SEPTIN8: variants seen among roughly 807,000 people sequenced by gnomAD.
The protein encoded by SEPTIN8 is septin-8.
A neutral mutation model predicts 53.1 loss-of-function variants in SEPTIN8; 22 were observed. The observed-to-expected ratio is 0.41, with a 90% CI of 0.30 to 0.59. The LOEUF (loss-of-function observed/expected upper bound fraction) is 0.59. Ranked by LOEUF, SEPTIN8 falls within the 20% of genes least tolerant of loss-of-function variation. The probability of loss-of-function intolerance (pLI) is 0.24; values close to 1 mark genes in which losing one functional copy is unlikely to be tolerated. For synonymous variants in SEPTIN8, 228 were observed against 248.4 expected, an observed-to-expected ratio of 0.92 and a Z score of 0.77; for missense variants, 536 against 638.7, an observed-to-expected ratio of 0.84 and a Z score of 1.73.
intron 9 of SEPTIN8, chr5:132,759,006 A>G (rs1449470832): frequency 8.1e-6 from 6 of 740,976 alleles, no homozygotes; most frequent in Non-Finnish European, 1.5e-5. Flanking sequence ...AAGGGTCAAG[A>G]TCTGATTGGG....
chr5:132,753,271 T>G, intron 9 of SEPTIN8: 1 of 344,438 alleles, frequency 2.9e-6, no homozygotes. Context: ...TTGTTTTACC[T>G]TCCTTCTCCA....
At chr5:132,771,707 C>T (rs1169799438) in intron 1 of SEPTIN8, among the ~76,000 whole-genome samples, 1 of 152,210 alleles carries the variant, frequency 6.6e-6, no homozygotes, top group Admixed American at 6.5e-5. Context: ...ATAGCCAGAG[C>T]AGAGGCCTCT....
chr5:132,761,857 C>G lies in SEPTIN8; in HGVS notation c.736G>C (p.Val246Leu). The G allele has an allele frequency of 6.2e-7, 1 of 1,605,750 alleles. No individual in the cohort carries two copies. The highest frequency in any genetic ancestry group is 1.3e-5 in the African/African-American group (1 of 74,886). The change falls in exon 6 of 10, where the codon GTG (valine) becomes CTG (leucine). Residue 246 changes from valine (V) to leucine (L), a missense_variant. Transcript: ENST00000378719. The surrounding 1 kb of genome is among the most constrained non-coding windows in gnomAD (Gnocchi z 5.8). ...PFAVVGSTEE[V>L]KVGNKLVRAR... is the part of the protein sequence containing the mutation. ...CGGACCAGCTTGTTCCCCACCTTCA[C>G]CTCCTCGGTGCTGCCCACCACGGCA...
Position 132,776,822 on chromosome 5 carries a change from C to G in SEPTIN8, c.30+286G>C, listed in dbSNP as rs953586343. ...CGCGGGCGCCACTCTATCTTCGCAC[C>G]TGCCCGGAGCCAGGCGGGTCTTTGC... On this transcript the variant is annotated intron_variant, in intron 1 of 9. Transcript: ENST00000378719. This position sits in a 1 kb window ranked among gnomAD's most constrained non-coding sequence, Gnocchi z 4.4. Among the ~76,000 whole-genome samples, 2 of 152,194 alleles carry G rather than the reference C, an allele frequency of 1.3e-5. No homozygotes were observed. Among genetic ancestry groups the G allele is most frequent in the African/African-American group, 4.8e-5 (2 of 41,464 alleles).
intron 1 of SEPTIN8, among the ~76,000 whole-genome samples, chr5:132,770,220 G>A (rs1427711421): frequency 6.7e-6 from 1 of 148,662 alleles, no homozygotes; most frequent in Non-Finnish European, 1.5e-5. Context: ...GTCTGGCTCT[G>A]TCACCCAGGC....
chr5:132,752,870 G>A lies in SEPTIN8; in HGVS notation c.1287-689C>T. The A allele has an allele frequency of 3.7e-6, 6 of 1,613,648 alleles. No individual in the cohort carries two copies. Among genetic ancestry groups the A allele is most frequent in the Non-Finnish European group, 5.1e-6 (6 of 1,179,662 alleles). ...GGCCACTCTATTCTAATACAGGTTG[G>A]TGATATGCAGTACAGCTGCTGCAAG... On this transcript the variant is annotated intron_variant, in intron 9 of 9. Coordinates refer to ENST00000378719, the MANE Select transcript of SEPTIN8 (RefSeq NM_001098811.2).
intron 9 of SEPTIN8, chr5:132,754,424 A>G: frequency 1.4e-6 from 1 of 717,474 alleles, no homozygotes; most frequent in Non-Finnish European, 2.6e-6. Context: ...CAGTTTAGGC[A>G]TCCCAGGCTT....
chr5:132,779,546 G>C (rs1244235429), upstream of SEPTIN8, among the ~76,000 whole-genome samples: 2 of 152,166 alleles, frequency 1.3e-5, no homozygotes, highest in African/African-American at 4.8e-5. Flanking sequence ...ACAAGACTTC[G>C]CTTCAGGAAA....
rs1754967739 is a variant in SEPTIN8 at position 132,752,793 on chromosome 5, T to C, written c.1287-612A>G. 7.6e-6 allele frequency: 10 copies of C among 1,320,188 alleles called. No individual in the cohort carries two copies. The South Asian group carries it at 1.1e-4, about 15-fold the overall frequency. 81.8% of individuals were successfully genotyped at this position (1,320,188 alleles called of 1,614,324 possible). On this transcript the variant is annotated intron_variant, in intron 9 of 9. Coordinates refer to ENST00000378719, the MANE Select transcript of SEPTIN8 (RefSeq NM_001098811.2). The stretch of plus-strand genomic sequence containing the variant: ...CCTGAACTTGCTTCATGCTAACATT[T>C]TGGCACTCAATTGCCAATTTCTTAG...
At chr5:132,772,123 G>T (rs1018997643) in intron 1 of SEPTIN8, among the ~76,000 whole-genome samples, 1 of 152,234 alleles carries the variant, frequency 6.6e-6, no homozygotes, top group African/African-American at 2.4e-5. Flanking sequence ...CCTGGGAAGA[G>T]AAGGAATTTT....
chr5:132,777,524 C>T, upstream of SEPTIN8: 1 of 963,402 alleles, frequency 1.0e-6, no homozygotes, highest in South Asian at 4.8e-5. The surrounding 1 kb of genome is among the most constrained non-coding windows in gnomAD (Gnocchi z 4.1). Context: ...CCCCTGGAGC[C>T]TGGGGCCGAG....
chr5:132,757,749 C>T, intron 9 of SEPTIN8: 5 of 985,452 alleles, frequency 5.1e-6, no homozygotes, highest in Non-Finnish European at 6.0e-6. Flanking sequence ...ATAGAAGAGT[C>T]AAAGCTGCTA....
At chr5:132,771,558 A>G (rs1757320207) in intron 1 of SEPTIN8, among the ~76,000 whole-genome samples, 1 of 152,206 alleles carries the variant, frequency 6.6e-6, no homozygotes, top group African/African-American at 2.4e-5. Context: ...GGGGAGCTCC[A>G]GCCCTGGGGG....
At chr5:132,763,303 A>C (rs539973374) in intron 4 of SEPTIN8, among the ~76,000 whole-genome samples, 1 of 152,312 alleles carries the variant, frequency 6.6e-6, no homozygotes, top group South Asian at 2.1e-4. Context: ...CATTTATGTC[A>C]GGGAGGAAGG....
At chr5:132,753,607 T>C (rs1292806954) in intron 9 of SEPTIN8, 2 of 152,608 alleles carry the variant, frequency 1.3e-5, no homozygotes, top group Non-Finnish European at 2.9e-5. Context: ...TTTAGGCATA[T>C]CTTTCCTTTG....
chr5:132,772,183 T>G (rs1383719841), intron 1 of SEPTIN8, among the ~76,000 whole-genome samples: 4 of 152,228 alleles, frequency 2.6e-5, no homozygotes, highest in Non-Finnish European at 5.9e-5. Flanking sequence ...TCTGTTTCTC[T>G]GTCTCACTAA....
Position 132,751,772 on chromosome 5 carries a change from C to G in SEPTIN8, c.*244G>C, listed in dbSNP as rs1256917290. The G allele has an allele frequency of 7.8e-6, 5 of 640,528 alleles. No homozygotes were observed. Among genetic ancestry groups the G allele is most frequent in the Admixed American group, 3.1e-5 (1 of 32,014 alleles). The allele number at this position is 640,528 out of a possible 1,614,324, so 39.7% of individuals were successfully genotyped here. On this transcript the variant is annotated 3_prime_UTR_variant, in exon 10 of 10. Coordinates refer to ENST00000378719, the MANE Select transcript of SEPTIN8 (RefSeq NM_001098811.2). Reference sequence around the variant, plus strand: ...GCAGACTTTTTTTTTTTTTTGGTCCCGGAGTGGAAGCTCAGCTTGGCCACA... The same window carrying G: ...GCAGACTTTTTTTTTTTTTTGGTCCGGGAGTGGAAGCTCAGCTTGGCCACA...
At position 132,761,220 on chromosome 5, in the gene SEPTIN8, C is replaced by T; in HGVS notation, c.1008G>A (p.Glu336=). ...YEAKRKEFLS[E]LQRKEEEMRQ... The stretch of plus-strand genomic sequence containing the variant: ...TCATCTCTTCCTCCTTCCTCTGCAG[C>T]TCACTTAGGAACTCCTTCCTCTTGG... Residue 336 remains glutamate, a synonymous_variant, in exon 8 of 10, where the codon GAG becomes GAA. Coordinates refer to ENST00000378719, the MANE Select transcript of SEPTIN8 (RefSeq NM_001098811.2). This position sits in a 1 kb window ranked among gnomAD's most constrained non-coding sequence, Gnocchi z 5.8. The T allele has an allele frequency of 6.2e-7, 1 of 1,614,224 alleles. No individual in the cohort carries two copies. The highest frequency in any genetic ancestry group is 8.5e-7 in the Non-Finnish European group (1 of 1,180,048).
chr5:132,761,204 CCTCCTTCCTCTGCAGCTCACTTAGGAA>C lies in SEPTIN8; in HGVS notation c.997_1023del (p.Phe333_Glu341del), dbSNP rs1191399500. On this transcript the variant is annotated inframe_deletion, in exon 8 of 10. Transcript: ENST00000378719. The surrounding 1 kb of genome is among the most constrained non-coding windows in gnomAD (Gnocchi z 5.8). ...TTGACAAACATCTGCCTCATCTCTT[CCTCCTTCCTCTGCAGCTCACTTAGGAA>C]CTCCTTCCTCTTGGCCTCGTATGTC... is the stretch of plus-strand genomic sequence containing the variant. 6.2e-7 allele frequency: 1 copy of C among 1,614,216 alleles called. No individual in the cohort carries two copies. The highest frequency in any genetic ancestry group is 1.1e-5 in the South Asian group (1 of 91,088).
Sources: allele counts gnomAD v4.1 joint callset (sites outside exome capture counted in the v4.1 genomes callset), GRCh38; gene constraint gnomAD v4.1.1; non-coding constraint Gnocchi (gnomAD v3.1); transcripts MANE v1.5; gene names NCBI Gene and HGNC (gene_info 2026-07-23, HGNC 2026-07-21).